The following SH3BP2 variants were observed in gnomAD, a reference collection of about 807,000 sequenced individuals.
SH3BP2 encodes the protein SH3 domain binding protein 2.
SH3BP2 carries 38 observed loss-of-function variants against 56.2 expected under a neutral mutation model. The observed-to-expected ratio is 0.68, with a 90% CI of 0.52 to 0.89. The LOEUF (loss-of-function observed/expected upper bound fraction) is 0.89. Among genes scored for constraint, SH3BP2 ranks in the 40% least tolerant of loss-of-function variants. The pLI is 0.00. For synonymous variants in SH3BP2, 346 were observed against 316.7 expected (o/e 1.09, Z -0.98); for missense variants, 748 against 762.6 (o/e 0.98, Z 0.23).
chr4:2,817,477 G>A (rs774344456), intron 1 of SH3BP2, among the ~76,000 whole-genome samples: 1 of 152,218 alleles, frequency 6.6e-6, no homozygotes, highest in Non-Finnish European at 1.5e-5. Context: ...TTGAAACCAG[G>A]GTGGGTGCCC....
chr4:2,812,329 C>T, intron 1 of SH3BP2: 1 of 1,549,674 alleles, frequency 6.5e-7, no homozygotes, highest in Non-Finnish European at 8.7e-7. Context: ...AGCTGTGGGG[C>T]AGCCAGGCGC....
intron 4 of SH3BP2, 28 bp from the exon 5 acceptor site, chr4:2,825,078 GGCCCACCCTGGTGGCACCGT>G: frequency 6.6e-7 from 1 of 1,511,930 alleles, no homozygotes; most frequent in South Asian, 1.2e-5. Flanking sequence ...GGTGCGGTGG[GGCCCACCCTGGTGGCACCGT>G]GCCCACCACA....
chr4:2,799,309 G>A, intron 1 of SH3BP2: 1 of 985,538 alleles, frequency 1.0e-6, no homozygotes, highest in Non-Finnish European at 1.2e-6. Context: ...TAATGAGGTG[G>A]GATGGGGCCC....
chr4:2,795,242 C>T (rs1484637794), intron 1 of SH3BP2, among the ~76,000 whole-genome samples: 1 of 152,148 alleles, frequency 6.6e-6, no homozygotes, highest in African/African-American at 2.4e-5. Context: ...GGGTAAAGGC[C>T]AAGGCTCCCA....
At chr4:2,796,836 CATG>C (rs1277633393) in intron 1 of SH3BP2, among the ~76,000 whole-genome samples, 5 of 152,324 alleles carry the variant, frequency 3.3e-5, no homozygotes, top group Middle Eastern at 3.4e-3. Context: ...GTGTGCGTGC[CATG>C]GCACACGGGG....
Position 2,831,809 on chromosome 4 carries a change from G to C in SH3BP2, c.1351-114G>C. ...CCCCCGAGAACCCGGGAGCCTAGGG[G>C]GACACAGCACCATGTAAAGCCCCGG... On this transcript the variant is annotated intron_variant, in intron 9 of 12. Coordinates refer to ENST00000503393, the MANE Select transcript of SH3BP2 (RefSeq NM_001122681.2). The surrounding 1 kb of genome is among the most constrained non-coding windows in gnomAD (Gnocchi z 4.1). 4 of 1,381,154 alleles carry C rather than the reference G, an allele frequency of 2.9e-6. No individual in the cohort carries two copies. Among genetic ancestry groups the C allele is most frequent in the Non-Finnish European group, 4.0e-6 (4 of 988,096 alleles). 85.6% of individuals were successfully genotyped at this position (1,381,154 alleles called of 1,614,324 possible). A position where few individuals can be genotyped will look rare whatever the true frequency, so the allele number is the denominator to read the frequency against.
rs1725370154 is a variant in SH3BP2 at position 2,840,126 on chromosome 4, G to A, written c.*6292G>A. 1 of 151,628 alleles carries A rather than the reference G, an allele frequency of 6.6e-6. No homozygotes were observed. Among genetic ancestry groups the A allele is most frequent in the South Asian group, 2.1e-4 (1 of 4,790 alleles). The allele number at this position is 151,628 out of a possible 1,614,324, so 9.4% of individuals were successfully genotyped here. ...TGTAGTCCCAGCTACTCAGGTGGCT[G>A]GGGTGAGAGGATTGCTTGAGCCCAG... On this transcript the variant is annotated 3_prime_UTR_variant, in exon 13 of 13. Coordinates refer to ENST00000503393, the MANE Select transcript of SH3BP2 (RefSeq NM_001122681.2).
At chr4:2,806,645 C>T (rs750134921) in intron 1 of SH3BP2, among the ~76,000 whole-genome samples, 9 of 152,194 alleles carry the variant, frequency 5.9e-5, no homozygotes, top group African/African-American at 9.6e-5. Flanking sequence ...TCACCACCCT[C>T]GGCCTGGAAG....
At position 2,831,794 on chromosome 4, in the gene SH3BP2, C is replaced by T; in HGVS notation, c.1350+115C>T. 7.4e-7 allele frequency: 1 copy of T among 1,357,938 alleles called. No homozygotes were observed. The highest frequency in any genetic ancestry group is 1.0e-6 in the Non-Finnish European group (1 of 968,982). 84.1% of individuals were successfully genotyped at this position (1,357,938 alleles called of 1,614,324 possible). A position where few individuals can be genotyped will look rare whatever the true frequency, so the allele number is the denominator to read the frequency against. On this transcript the variant is annotated intron_variant, in intron 9 of 12. Transcript: ENST00000503393. This position sits in a 1 kb window ranked among gnomAD's most constrained non-coding sequence, Gnocchi z 4.1. ...GTCCTGAGCAAGGACCCCCCGAGAA[C>T]CCGGGAGCCTAGGGGGACACAGCAC...
intron 1 of SH3BP2, among the ~76,000 whole-genome samples, chr4:2,819,399 T>A (rs231400): frequency 0.17 from 25,234 of 151,670 alleles, 3,243 homozygotes; most frequent in African/African-American, 0.36. Flanking sequence ...TAAAAAAAAA[T>A]TTTTTTTTAG....
intron 1 of SH3BP2, among the ~76,000 whole-genome samples, chr4:2,806,775 C>T (rs1172906452): frequency 6.6e-6 from 1 of 152,252 alleles, no homozygotes; most frequent in Non-Finnish European, 1.5e-5. Context: ...CTCCCATGCC[C>T]ATCTCAAGAA....
chr4:2,819,124 G>GT (rs1291813742), intron 1 of SH3BP2: 1 of 157,348 alleles, frequency 6.4e-6, no homozygotes, highest in Admixed American at 6.5e-5. Flanking sequence ...GTCTCTATAT[G>GT]TTGCCCAGGC....
At chr4:2,795,375 CTA>C (rs997610921) in intron 1 of SH3BP2, among the ~76,000 whole-genome samples, 2 of 152,246 alleles carry the variant, frequency 1.3e-5, no homozygotes, top group African/African-American at 4.8e-5. Flanking sequence ...AGGTCAGTGA[CTA>C]TGTGTGGCAG....
chr4:2,794,648 G>T (rs1723003697), intron 1 of SH3BP2, among the ~76,000 whole-genome samples: 1 of 152,278 alleles, frequency 6.6e-6, no homozygotes, highest in Non-Finnish European at 1.5e-5. Flanking sequence ...GCCATCTGGT[G>T]AGAGGGGTGC....
Position 2,829,701 on chromosome 4 carries a change from G to A in SH3BP2, c.795G>A (p.Glu265=). Reference sequence around the variant, plus strand: ...ACCCACTGTGCCCGAGGCGGGCTGAGCCTTGCCCCAGGGTACCTGCTACCC... The same window carrying A: ...ACCCACTGTGCCCGAGGCGGGCTGAACCTTGCCCCAGGGTACCTGCTACCC... ...KRDPLCPRRA[E]PCPRVPATPR... The change falls in exon 8 of 13, where the codon GAG becomes GAA. Residue 265 remains glutamate, a synonymous_variant. Transcript: ENST00000503393. This position sits in a 1 kb window ranked among gnomAD's most constrained non-coding sequence, Gnocchi z 4.9. 6.2e-7 allele frequency: 1 copy of A among 1,612,932 alleles called. No individual in the cohort carries two copies.
chr4:2,805,979 G>T (rs1723517667), intron 1 of SH3BP2, among the ~76,000 whole-genome samples: 2 of 152,314 alleles, frequency 1.3e-5, no homozygotes, highest in East Asian at 3.9e-4. Context: ...GGAAGGAAAA[G>T]CACGGCCGGA....
chr4:2,795,172 T>G (rs1178619781), intron 1 of SH3BP2, among the ~76,000 whole-genome samples: 1 of 152,204 alleles, frequency 6.6e-6, no homozygotes, highest in East Asian at 1.9e-4. Context: ...CTCTCCCTGG[T>G]CCTCAGGGCC....
rs1723685933 is a variant in SH3BP2 at position 2,810,120 on chromosome 4, G to A, written c.-4-10494G>A. ...GAACGGCAGTGTCATATGCCGCAGG[G>A]ATGAAGAGGAATTGAGAGAGCAATT... is the stretch of plus-strand genomic sequence containing the variant. On this transcript the variant is annotated intron_variant, in intron 1 of 12. Transcript: ENST00000503393. The surrounding 1 kb of genome is among the most constrained non-coding windows in gnomAD (Gnocchi z 4.2). Among the ~76,000 whole-genome samples the A allele has an allele frequency of 6.6e-6, 1 of 152,180 alleles. No individual in the cohort carries two copies.
At chr4:2,817,665 G>A (rs1026644299) in intron 1 of SH3BP2, among the ~76,000 whole-genome samples, 6 of 152,212 alleles carry the variant, frequency 3.9e-5, no homozygotes, top group African/African-American at 9.6e-5. Context: ...TGAGGTGCCT[G>A]CGTTTGGGCA....
Sources: gnomAD v4.1 joint callset for allele counts (sites outside exome capture counted in the v4.1 genomes callset) on GRCh38, gnomAD v4.1.1 for gene constraint, Gnocchi (gnomAD v3.1) non-coding constraint, MANE v1.5 for transcripts, NCBI Gene and HGNC (gene_info 2026-07-23, HGNC 2026-07-21) for gene names.